ZFAT: variants seen among roughly 807,000 people sequenced by gnomAD.
The protein encoded by ZFAT is zinc finger and AT-hook domain containing.
ZFAT carries 64 observed loss-of-function variants against 117.7 expected under a neutral mutation model. The observed-to-expected ratio is 0.54, with a 90% CI of 0.44 to 0.67. The LOEUF (loss-of-function observed/expected upper bound fraction) is 0.67, where lower values mean the gene tolerates loss of function less well. Among genes scored for constraint, ZFAT ranks in the 30% least tolerant of loss-of-function variants. The pLI is 0.00. For missense variants in ZFAT, 1,433 were observed against 1,584.5 expected, an observed-to-expected ratio of 0.90 and a Z score of 1.62; for synonymous variants, 679 against 615.0, an observed-to-expected ratio of 1.10 and a Z score of -1.54.
At position 134,588,400 on chromosome 8, in the gene ZFAT, A is replaced by G; in HGVS notation, c.2564-5T>C. 6.4e-7 allele frequency: 1 copy of G among 1,571,826 alleles called. No homozygotes were observed. The highest frequency in any genetic ancestry group is 8.6e-7 in the Non-Finnish European group (1 of 1,160,156). On this transcript the variant is annotated splice_polypyrimidine_tract_variant and splice_region_variant and intron_variant, in intron 8 of 15. Transcript: ENST00000377838. ...AAATGGTGCTCATGGAGACCTCTAG[A>G]AGAAAAGCAGGATGTCAAAAGGAGT...
At chr8:134,808,827 T>C in the ZFAT span, among the ~76,000 whole-genome samples, 4 of 152,244 alleles carry the variant, frequency 2.6e-5, no homozygotes, top group Admixed American at 6.5e-5. Flanking sequence ...AGTTCTGCTA[T>C]AATAATGAAT....
At chr8:134,830,183 GAA>G in the ZFAT span, among the ~76,000 whole-genome samples, 1 of 152,086 alleles carries the variant, frequency 6.6e-6, no homozygotes, top group Non-Finnish European at 1.5e-5. Flanking sequence ...GAAAAAGAGA[GAA>G]GAGAGAAAAA....
the ZFAT span, chr8:134,785,098 T>C: frequency 6.6e-6 from 1 of 152,226 alleles, no homozygotes; most frequent in South Asian, 2.1e-4. Flanking sequence ...TGCCAATCCC[T>C]GATATTATCT....
intron 5 of ZFAT, among the ~76,000 whole-genome samples, chr8:134,603,997 AC>A (rs1212422663): frequency 2.0e-5 from 3 of 152,334 alleles, no homozygotes; most frequent in Admixed American, 6.5e-5. Flanking sequence ...ATAAATGGCC[AC>A]CATTTGTTAA....
At chr8:134,682,040 G>A (rs897177468) in intron 1 of ZFAT, among the ~76,000 whole-genome samples, 8 of 152,138 alleles carry the variant, frequency 5.3e-5, no homozygotes, top group East Asian at 1.9e-4. Context: ...CTTCATTACC[G>A]TCATTATACT....
the ZFAT span, among the ~76,000 whole-genome samples, chr8:134,771,307 G>A: frequency 3.3e-5 from 5 of 152,092 alleles, no homozygotes; most frequent in Admixed American, 6.6e-5. Context: ...AAGAACCTAT[G>A]TGAATATCAG....
At chr8:134,618,686 T>A (rs996472720) in intron 3 of ZFAT, among the ~76,000 whole-genome samples, 1 of 152,240 alleles carries the variant, frequency 6.6e-6, no homozygotes, top group Non-Finnish European at 1.5e-5. Flanking sequence ...CCTTTCTCAC[T>A]TTCCTATTTT....
At chr8:134,738,866 G>A in the ZFAT span, among the ~76,000 whole-genome samples, 1 of 152,222 alleles carries the variant, frequency 6.6e-6, no homozygotes, top group Non-Finnish European at 1.5e-5. Flanking sequence ...CTGTGGAGCA[G>A]AGAACAGTGG....
chr8:134,503,741 T>C (rs1174870432), intron 15 of ZFAT, among the ~76,000 whole-genome samples: 1 of 152,020 alleles, frequency 6.6e-6, no homozygotes, highest in Non-Finnish European at 1.5e-5. Flanking sequence ...GGACACTGGT[T>C]TTTCCTGCCT....
chr8:134,670,186 A>T (rs890684564), intron 1 of ZFAT, among the ~76,000 whole-genome samples: 1 of 152,258 alleles, frequency 6.6e-6, no homozygotes. Flanking sequence ...AACATTAGAC[A>T]GATCAACGAG....
intron 3 of ZFAT, among the ~76,000 whole-genome samples, chr8:134,614,685 G>A (rs985004508): frequency 6.6e-6 from 1 of 152,208 alleles, no homozygotes; most frequent in Non-Finnish European, 1.5e-5. Flanking sequence ...AAAAGATGAA[G>A]CTAGGACCAA....
Position 134,657,547 on chromosome 8 carries a change from C to T in ZFAT, c.196+14G>A, listed in dbSNP as rs758862165. Reference sequence around the variant, plus strand: ...TGTCAGAAGGTATCCTGCCCCACCCCCCAGCCCCCTTACCATCTCCGGTTT... The same window carrying T: ...TGTCAGAAGGTATCCTGCCCCACCCTCCAGCCCCCTTACCATCTCCGGTTT... On this transcript the variant is annotated intron_variant, in intron 2 of 15. Coordinates refer to ENST00000377838, the MANE Select transcript of ZFAT (RefSeq NM_020863.4). 3.1e-6 allele frequency: 5 copies of T among 1,602,478 alleles called. No individual in the cohort carries two copies. The highest frequency in any genetic ancestry group is 2.2e-5 in the East Asian group (1 of 44,592).
At chr8:134,677,261 C>A (rs78946817) in intron 1 of ZFAT, among the ~76,000 whole-genome samples, 1 of 151,958 alleles carries the variant, frequency 6.6e-6, no homozygotes, top group Non-Finnish European at 1.5e-5. Context: ...ATAAAGGGGC[C>A]ATCACTACCA....
intron 11 of ZFAT, among the ~76,000 whole-genome samples, chr8:134,553,412 A>G (rs746784169): frequency 2.2e-4 from 34 of 152,336 alleles, no homozygotes; most frequent in Non-Finnish European, 3.7e-4. Flanking sequence ...CTGAGGCAGA[A>G]GAATCGCTTG....
intron 12 of ZFAT, among the ~76,000 whole-genome samples, chr8:134,525,027 A>G (rs1400268239): frequency 6.6e-6 from 1 of 152,230 alleles, no homozygotes; most frequent in Non-Finnish European, 1.5e-5. Flanking sequence ...TCACACTGGC[A>G]AAGTTAAGAA....
intron 5 of ZFAT, among the ~76,000 whole-genome samples, chr8:134,606,322 T>C (rs1827884268): frequency 1.3e-5 from 2 of 152,240 alleles, no homozygotes; most frequent in South Asian, 2.1e-4. Flanking sequence ...GTTGAGTTGA[T>C]AACACTATAT....
chr8:134,646,128 G>A (rs1450316477), intron 2 of ZFAT, among the ~76,000 whole-genome samples: 3 of 152,184 alleles, frequency 2.0e-5, no homozygotes, highest in Admixed American at 1.3e-4. Flanking sequence ...AGAATCGCTT[G>A]AAACTGGAAG....
At chr8:134,608,651 T>G (rs3739421) in intron 5 of ZFAT, 78 bp downstream of exon 5, 446,928 of 1,513,138 alleles carry the variant, frequency 0.3, 69,484 homozygotes, top group East Asian at 0.54. Context: ...CGAACAAGCA[T>G]GCTGATCCTT....
At chr8:134,532,670 AATG>A (rs1383938097) in intron 12 of ZFAT, among the ~76,000 whole-genome samples, 161 bp downstream of exon 12, 1 of 152,268 alleles carries the variant, frequency 6.6e-6, no homozygotes, top group African/African-American at 2.4e-5. Flanking sequence ...GCTGACAAAC[AATG>A]ATAAGGACGA....
Sources: gnomAD v4.1 joint callset for allele counts (sites outside exome capture counted in the v4.1 genomes callset) on GRCh38, gnomAD v4.1.1 for gene constraint, MANE v1.5 for transcripts, NCBI Gene and HGNC (gene_info 2026-07-23, HGNC 2026-07-21) for gene names.